Variants in CEP63 observed in about 807,000 individuals in gnomAD.
CEP63 encodes the protein centrosomal protein of 63 kDa.
CEP63 carries 84 observed loss-of-function variants against 89.1 expected under a neutral mutation model. That is an observed-to-expected ratio of 0.94 (90% CI 0.79 to 1.13). The LOEUF (loss-of-function observed/expected upper bound fraction) is 1.13, where lower values mean the gene tolerates loss of function less well. Among genes scored for constraint, CEP63 ranks in the 50% most tolerant of loss-of-function variants. The pLI is 0.00. For missense variants in CEP63, 838 were observed against 813.3 expected, an observed-to-expected ratio of 1.03 and a Z score of -0.37; for synonymous variants, 267 against 272.5, an observed-to-expected ratio of 0.98 and a Z score of 0.20.
chr3:134,767,423 T>G, the CEP63 span, among the ~76,000 whole-genome samples: 1 of 152,166 alleles, frequency 6.6e-6, no homozygotes, highest in Non-Finnish European at 1.5e-5. Flanking sequence ...GGAAAGTAAG[T>G]GTTCTGGCCT....
At chr3:134,618,954 C>T in the CEP63 span, among the ~76,000 whole-genome samples, 2,688 of 152,240 alleles carry the variant, frequency 0.018, 38 homozygotes, top group Non-Finnish European at 0.029. Flanking sequence ...TCGCGAAGCC[C>T]GGCAGATGGT....
chr3:134,736,943 G>T, the CEP63 span, among the ~76,000 whole-genome samples: 34 of 152,256 alleles, frequency 2.2e-4, no homozygotes, highest in African/African-American at 7.9e-4. Flanking sequence ...GAGACAATTT[G>T]TTCTTGGTGT....
the CEP63 span, among the ~76,000 whole-genome samples, chr3:134,637,452 T>C: frequency 4.5e-4 from 68 of 152,338 alleles, no homozygotes; most frequent in African/African-American, 1.5e-3. Flanking sequence ...TCCCCTCTCA[T>C]AGGTCACAAT....
the CEP63 span, among the ~76,000 whole-genome samples, chr3:134,676,177 T>C: frequency 6.6e-6 from 1 of 152,304 alleles, no homozygotes; most frequent in East Asian, 1.9e-4. Context: ...GGAAACAACC[T>C]AGATGCCCAT....
the CEP63 span, among the ~76,000 whole-genome samples, chr3:134,704,099 G>T: frequency 6.6e-6 from 1 of 152,182 alleles, no homozygotes; most frequent in African/African-American, 2.4e-5. Context: ...CCCAACCGCT[G>T]CATATTCTCC....
At chr3:134,729,285 G>A in the CEP63 span, among the ~76,000 whole-genome samples, 1 of 152,080 alleles carries the variant, frequency 6.6e-6, no homozygotes. Context: ...CTTGTGTATT[G>A]TTTATGTAAA....
At chr3:134,780,227 C>A in the CEP63 span, among the ~76,000 whole-genome samples, 3 of 152,274 alleles carry the variant, frequency 2.0e-5, no homozygotes, top group East Asian at 5.8e-4. Context: ...CTGTTTGAAT[C>A]TTTTGCCCCC....
At chr3:134,729,143 A>AT in the CEP63 span, among the ~76,000 whole-genome samples, 1 of 152,176 alleles carries the variant, frequency 6.6e-6, no homozygotes, top group South Asian at 2.1e-4. Flanking sequence ...TTATATTCAC[A>AT]TGGTTCTAAA....
the CEP63 span, among the ~76,000 whole-genome samples, chr3:134,718,791 C>T: frequency 6.6e-6 from 1 of 152,194 alleles, no homozygotes; most frequent in Non-Finnish European, 1.5e-5. Context: ...CCTTGGATTC[C>T]AAAGCGGATT....
chr3:134,752,178 C>G, the CEP63 span, among the ~76,000 whole-genome samples: 1 of 152,138 alleles, frequency 6.6e-6, no homozygotes, highest in Non-Finnish European at 1.5e-5. Context: ...ATAAAAGAGA[C>G]CAAGAAAGAC....
At chr3:134,651,362 C>T in the CEP63 span, 10 of 1,138,336 alleles carry the variant, frequency 8.8e-6, no homozygotes, top group African/African-American at 1.2e-4. Context: ...CCCACGGTCT[C>T]CGGAGGGTTC....
At position 134,561,587 on chromosome 3, in the gene CEP63, C is replaced by T. The variant is rs1957353010; in HGVS notation, c.*52C>T. The T allele has an allele frequency of 6.4e-7, 1 of 1,570,692 alleles. No individual in the cohort carries two copies. Among genetic ancestry groups the T allele is most frequent in the African/African-American group, 1.4e-5 (1 of 73,492 alleles). On this transcript the variant is annotated 3_prime_UTR_variant, in exon 15 of 15. Transcript: ENST00000675561. ...AATAAAAATAAACACCAAAGAGTTA[C>T]TGTCATCTGAAGTAGCAGCTCTTTA...
the CEP63 span, chr3:134,779,685 G>C: frequency 6.6e-6 from 1 of 152,176 alleles, no homozygotes; most frequent in Non-Finnish European, 1.5e-5. Context: ...CAGGATCAGA[G>C]CCTTAAGGTG....
the CEP63 span, among the ~76,000 whole-genome samples, chr3:134,641,847 C>T: frequency 2.6e-5 from 4 of 152,194 alleles, no homozygotes; most frequent in South Asian, 8.3e-4. Context: ...ATGTCAGCTC[C>T]ACAAGGACAG....
the CEP63 span, chr3:134,639,740 G>A: frequency 6.6e-6 from 1 of 151,228 alleles, no homozygotes; most frequent in Non-Finnish European, 1.5e-5. Context: ...GAGCCCAGGG[G>A]TTTGAGACCA....
Position 134,548,919 on chromosome 3 carries a change from T to G in CEP63, c.1068-143T>G, listed in dbSNP as rs1954208023. 10 of 640,136 alleles carry G rather than the reference T, an allele frequency of 1.6e-5. No homozygotes were observed. The South Asian group carries it at 1.8e-4, about 11-fold the overall frequency. The allele number at this position is 640,136 out of a possible 1,614,324, so 39.7% of individuals were successfully genotyped here. On this transcript the variant is annotated intron_variant, in intron 9 of 14. Transcript: ENST00000675561. ...TCACAGTTTTTTTATTGATTGGCTTTTTAGTAATATTTTAAATGACTGAGG... is the reference window on the plus strand; with the variant it reads ...TCACAGTTTTTTTATTGATTGGCTTGTTAGTAATATTTTAAATGACTGAGG...
the CEP63 span, among the ~76,000 whole-genome samples, chr3:134,637,174 A>C: frequency 1.3e-5 from 2 of 152,248 alleles, no homozygotes; most frequent in East Asian, 1.9e-4. Flanking sequence ...TGTTGAGAGA[A>C]AATCAGCCTT....
At chr3:134,603,042 A>C in the CEP63 span, 1 of 152,350 alleles carries the variant, frequency 6.6e-6, no homozygotes, top group South Asian at 2.1e-4. Context: ...AGGATGCAGA[A>C]GATGATCAGG....
chr3:134,566,288 ACTC>A (rs1348627297), downstream of CEP63, among the ~76,000 whole-genome samples: 1 of 152,100 alleles, frequency 6.6e-6, no homozygotes, highest in Non-Finnish European at 1.5e-5. Context: ...AAGGTCTAAA[ACTC>A]CTTGATATTA....
Sources: gnomAD v4.1 joint callset for allele counts (sites outside exome capture counted in the v4.1 genomes callset) on GRCh38, gnomAD v4.1.1 for gene constraint, MANE v1.5 for transcripts, NCBI Gene and HGNC (gene_info 2026-07-23, HGNC 2026-07-21) for gene names.